DNER: variants seen among roughly 807,000 people sequenced by gnomAD.
DNER encodes the protein delta and Notch-like epidermal growth factor-related receptor.
A neutral mutation model predicts 78.2 loss-of-function variants in DNER; 33 were observed. The ratio of observed to expected loss-of-function variants is 0.42; its 90% confidence interval spans 0.32 to 0.56. The LOEUF (loss-of-function observed/expected upper bound fraction) is 0.56, where lower values mean the gene tolerates loss of function less well. Ranked by LOEUF, DNER falls within the 20% of genes least tolerant of loss-of-function variation. The pLI, the probability that DNER is intolerant of heterozygous loss-of-function variation, is 0.11. For missense variants in DNER, 918 were observed against 975.3 expected, an observed-to-expected ratio of 0.94 and a Z score of 0.78; for synonymous variants, 417 against 384.8, an observed-to-expected ratio of 1.08 and a Z score of -0.98.
intron 10 of DNER, among the ~76,000 whole-genome samples, chr2:229,406,219 G>A (rs1693378024): frequency 6.6e-6 from 1 of 152,138 alleles, no homozygotes; most frequent in Non-Finnish European, 1.5e-5. Context: ...GGGAGAGGTG[G>A]ACACAGCAAG....
chr2:229,625,908 TTG>T (rs1279691901), intron 1 of DNER, among the ~76,000 whole-genome samples: 2 of 108,964 alleles, frequency 1.8e-5, no homozygotes, highest in African/African-American at 3.1e-5. Flanking sequence ...TTTGTTGTTG[TTG>T]TTGTTGTTTG....
At chr2:229,384,831 T>A (rs969157963) in intron 11 of DNER, among the ~76,000 whole-genome samples, 18 of 151,846 alleles carry the variant, frequency 1.2e-4, no homozygotes, top group South Asian at 2.1e-4. Context: ...TTATCAGAGG[T>A]ACAAAGAGGA....
At chr2:229,423,493 T>C (rs1693808411) in intron 8 of DNER, among the ~76,000 whole-genome samples, 1 of 151,502 alleles carries the variant, frequency 6.6e-6, no homozygotes, top group African/African-American at 2.4e-5. Context: ...TGGGCGCCTG[T>C]AATCCCAGCT....
Position 229,438,200 on chromosome 2 carries a change from G to A in DNER, c.1486+9116C>T, listed in dbSNP as rs1471055937. Among the ~76,000 whole-genome samples the A allele has an allele frequency of 2.6e-5, 4 of 152,322 alleles. No individual in the cohort carries two copies. In the East Asian group the frequency reaches 5.8e-4, roughly 22 times the overall value. ...CAATACCCTTGGAAGTCAGAGTTGC[G>A]CTTCTCTGTGCTGGGAAGTAGGAAA... On this transcript the variant is annotated intron_variant, in intron 8 of 12. Coordinates refer to ENST00000341772, the MANE Select transcript of DNER (RefSeq NM_139072.4).
chr2:229,671,253 C>T (rs1316610279), intron 1 of DNER, among the ~76,000 whole-genome samples: 1 of 152,168 alleles, frequency 6.6e-6, no homozygotes, highest in Admixed American at 6.5e-5. Flanking sequence ...CCAATTCAAA[C>T]CTGTCCAAAG....
intron 8 of DNER, among the ~76,000 whole-genome samples, chr2:229,438,425 G>C (rs758631302): frequency 7.0e-4 from 107 of 152,302 alleles, no homozygotes; most frequent in Non-Finnish European, 1.4e-3. Flanking sequence ...AGGCTTCTGA[G>C]GATTAGGGTT....
chr2:229,555,554 T>C (rs1696840963), intron 4 of DNER, among the ~76,000 whole-genome samples: 1 of 152,216 alleles, frequency 6.6e-6, no homozygotes, highest in South Asian at 2.1e-4. Flanking sequence ...ATCATGTACC[T>C]CTTCCTGATC....
At chr2:229,489,534 G>C (rs1695349710) in intron 6 of DNER, among the ~76,000 whole-genome samples, 1 of 151,700 alleles carries the variant, frequency 6.6e-6, no homozygotes, top group Admixed American at 6.6e-5. Context: ...TGGTGAGGAG[G>C]AGGGGGAGGA....
At chr2:229,607,742 G>C (rs753466809) in intron 1 of DNER, among the ~76,000 whole-genome samples, 11 of 152,088 alleles carry the variant, frequency 7.2e-5, no homozygotes, top group Non-Finnish European at 1.5e-4. Flanking sequence ...GTGTAGGAAG[G>C]ATGGGCGCGA....
At chr2:229,508,031 GCA>G (rs1322546422) in intron 6 of DNER, among the ~76,000 whole-genome samples, 1 of 152,010 alleles carries the variant, frequency 6.6e-6, no homozygotes, top group East Asian at 1.9e-4. Context: ...AGAAGAGTGT[GCA>G]CACACACACA....
intron 1 of DNER, among the ~76,000 whole-genome samples, chr2:229,655,600 A>G (rs1698899536): frequency 6.6e-6 from 1 of 152,170 alleles, no homozygotes; most frequent in Admixed American, 6.5e-5. Flanking sequence ...GGAATACATA[A>G]AAGAAACTAA....
intron 1 of DNER, among the ~76,000 whole-genome samples, chr2:229,599,010 G>A (rs954730837): frequency 6.6e-6 from 1 of 152,124 alleles, no homozygotes; most frequent in African/African-American, 2.4e-5. Context: ...AAGCTAAGTG[G>A]GCAAAGGCAT....
intron 8 of DNER, among the ~76,000 whole-genome samples, chr2:229,429,625 AC>A (rs1693961898): frequency 6.6e-6 from 1 of 152,166 alleles, no homozygotes; most frequent in Admixed American, 6.5e-5. Flanking sequence ...GGCCCTAAGC[AC>A]CATAGCCCTG....
intron 7 of DNER, among the ~76,000 whole-genome samples, chr2:229,464,859 G>A (rs567870297): frequency 1.3e-5 from 2 of 152,220 alleles, no homozygotes; most frequent in Admixed American, 6.5e-5. Flanking sequence ...AGGTGCAAAC[G>A]CTCCCTGTAG....
At chr2:229,376,602 A>T (rs1176589534) in intron 11 of DNER, among the ~76,000 whole-genome samples, 1 of 152,264 alleles carries the variant, frequency 6.6e-6, no homozygotes, top group Non-Finnish European at 1.5e-5. Context: ...TGGAAATACC[A>T]TGTGACATTT....
intron 6 of DNER, among the ~76,000 whole-genome samples, chr2:229,486,830 G>A (rs1695286093): frequency 6.6e-6 from 1 of 152,164 alleles, no homozygotes; most frequent in Admixed American, 6.5e-5. Context: ...CATCAGCCCT[G>A]CCTGGGAACT....
chr2:229,564,516 TC>T (rs1697059998), intron 4 of DNER, among the ~76,000 whole-genome samples: 4 of 147,364 alleles, frequency 2.7e-5, no homozygotes. Context: ...ATCATCATCC[TC>T]CTTACCCCAT....
At chr2:229,550,349 G>A (rs937101600) in intron 4 of DNER, among the ~76,000 whole-genome samples, 2 of 152,136 alleles carry the variant, frequency 1.3e-5, no homozygotes, top group Admixed American at 1.3e-4. Context: ...GATTATCATA[G>A]TTCAGGCATC....
In DNER at chr2:229,425,360, C is replaced by T. The variant is rs557059860; in HGVS notation, c.1487-7130G>A. On this transcript the variant is annotated intron_variant, in intron 8 of 12. Transcript: ENST00000341772. ...TGAAGCCTCCAGCCACATGGTGAAG[C>T]TGGTTTCTAGCTAGTGCTCTTCCTA... Among the ~76,000 whole-genome samples the T allele has an allele frequency of 1.2e-4, 18 of 152,266 alleles. No individual in the cohort carries two copies. The South Asian group carries it at 3.5e-3, about 30-fold the overall frequency.
Sources: gnomAD v4.1 joint callset for allele counts (sites outside exome capture counted in the v4.1 genomes callset) on GRCh38, gnomAD v4.1.1 for gene constraint, MANE v1.5 for transcripts, NCBI Gene and HGNC (gene_info 2026-07-23, HGNC 2026-07-21) for gene names.